The following PPP3CC variants were observed in gnomAD, a reference collection of about 807,000 sequenced individuals.
PPP3CC encodes the protein protein phosphatase 3 catalytic subunit gamma.
A neutral mutation model predicts 60.3 loss-of-function variants in PPP3CC; 35 were observed. The ratio of observed to expected loss-of-function variants is 0.58; its 90% CI spans 0.44 to 0.77. The LOEUF (loss-of-function observed/expected upper bound fraction) is 0.77, where lower values mean the gene tolerates loss of function less well. Among genes scored for constraint, PPP3CC ranks in the 30% least tolerant of loss-of-function variants. The probability of loss-of-function intolerance (pLI) is 0.00; values close to 1 mark genes in which losing one functional copy is unlikely to be tolerated. For missense variants in PPP3CC, 570 were observed against 628.9 expected (o/e 0.91, Z 1.00); for synonymous variants, 206 against 224.3 (o/e 0.92, Z 0.73).
chr8:22,450,351 A>G (rs1373234200), intron 1 of PPP3CC, among the ~76,000 whole-genome samples: 1 of 152,148 alleles, frequency 6.6e-6, no homozygotes, highest in African/African-American at 2.4e-5. Context: ...ATTAACACTA[A>G]TGAGTAGAGG....
At chr8:22,464,407 T>C (rs1837454286) in intron 1 of PPP3CC, among the ~76,000 whole-genome samples, 2 of 152,160 alleles carry the variant, frequency 1.3e-5, no homozygotes, top group South Asian at 4.1e-4. Flanking sequence ...AGAGACAGGG[T>C]CTCGCTCAGC....
At chr8:22,466,590 T>C (rs1172392377) in intron 1 of PPP3CC, among the ~76,000 whole-genome samples, 1 of 152,256 alleles carries the variant, frequency 6.6e-6, no homozygotes, top group Non-Finnish European at 1.5e-5. Context: ...GATGAGCATT[T>C]TTGCATATGT....
intron 3 of PPP3CC, among the ~76,000 whole-genome samples, chr8:22,476,594 T>C (rs894022876): frequency 1.1e-4 from 17 of 152,154 alleles, no homozygotes; most frequent in African/African-American, 4.1e-4. Flanking sequence ...AAAAATGGAT[T>C]TTTAGTTTTC....
intron 3 of PPP3CC, among the ~76,000 whole-genome samples, chr8:22,477,243 G>A (rs554454344): frequency 1.2e-3 from 181 of 152,202 alleles, no homozygotes; most frequent in African/African-American, 4.0e-3. Flanking sequence ...TTGGGAGGCC[G>A]AGGTGGGTGG....
At chr8:22,533,401 AT>A (rs1309705009) in intron 12 of PPP3CC, among the ~76,000 whole-genome samples, 1 of 152,176 alleles carries the variant, frequency 6.6e-6, no homozygotes, top group Non-Finnish European at 1.5e-5. Context: ...ATGGAAGAAA[AT>A]TTTTTGCAAT....
intron 8 of PPP3CC, among the ~76,000 whole-genome samples, chr8:22,525,510 C>G (rs1354844641): frequency 1.1e-5 from 1 of 88,422 alleles, no homozygotes; most frequent in African/African-American, 4.8e-5. Context: ...TTCTTTCTTT[C>G]TTTCTTTCTT....
At chr8:22,456,121 C>T (rs1242576855) in intron 1 of PPP3CC, among the ~76,000 whole-genome samples, 1 of 152,162 alleles carries the variant, frequency 6.6e-6, no homozygotes, top group Non-Finnish European at 1.5e-5. Flanking sequence ...ACAGACATAG[C>T]TATTTAGGCA....
chr8:22,459,616 C>A (rs754245992), intron 1 of PPP3CC, among the ~76,000 whole-genome samples: 19 of 152,052 alleles, frequency 1.2e-4, no homozygotes, highest in Non-Finnish European at 2.2e-4. Context: ...TTAGTGACCT[C>A]TCAGAGATTA....
intron 1 of PPP3CC, 37 bp downstream of exon 1, chr8:22,441,495 G>T (rs1420480408): frequency 1.5e-5 from 23 of 1,515,040 alleles, no homozygotes; most frequent in Non-Finnish European, 1.9e-5. Context: ...GGGACCCGCG[G>T]GAAACGGCCT....
chr8:22,502,408 G>A (rs1838787946), intron 4 of PPP3CC, among the ~76,000 whole-genome samples: 1 of 152,182 alleles, frequency 6.6e-6, no homozygotes. Flanking sequence ...CAAGGTGGCC[G>A]GGTGCAGTGG....
intron 3 of PPP3CC, among the ~76,000 whole-genome samples, chr8:22,486,049 TC>T (rs1023125200): frequency 6.6e-6 from 1 of 151,514 alleles, no homozygotes; most frequent in Non-Finnish European, 1.5e-5. Context: ...CCTGAGTGCT[TC>T]CCCCCCGCCC....
chr8:22,486,404 G>A (rs1359614854), intron 3 of PPP3CC, among the ~76,000 whole-genome samples: 1 of 152,008 alleles, frequency 6.6e-6, no homozygotes, highest in Non-Finnish European at 1.5e-5. Flanking sequence ...GGTAAACACT[G>A]GATTTTCTTT....
chr8:22,538,295 CAGTT>C (rs1333541990), intron 12 of PPP3CC, among the ~76,000 whole-genome samples: 1 of 152,194 alleles, frequency 6.6e-6, no homozygotes, highest in Non-Finnish European at 1.5e-5. Context: ...CACTTCCTAA[CAGTT>C]ACATCAGTGA....
chr8:22,526,118 T>G (rs542170864), intron 8 of PPP3CC, among the ~76,000 whole-genome samples: 4 of 152,312 alleles, frequency 2.6e-5, no homozygotes, highest in African/African-American at 9.6e-5. Flanking sequence ...TCTGCCCACC[T>G]CGGCCTCCCA....
intron 3 of PPP3CC, among the ~76,000 whole-genome samples, chr8:22,479,988 C>A (rs962498331): frequency 6.6e-6 from 1 of 151,938 alleles, no homozygotes; most frequent in African/African-American, 2.4e-5. Context: ...TTCATGAGTC[C>A]GTCAGTTTCT....
intron 3 of PPP3CC, among the ~76,000 whole-genome samples, chr8:22,475,910 A>G (rs1428852909): frequency 1.3e-5 from 2 of 152,238 alleles, no homozygotes; most frequent in Non-Finnish European, 2.9e-5. Context: ...AGGATTGTAT[A>G]AAAATGACAT....
intron 4 of PPP3CC, 58 bp downstream of exon 4, chr8:22,498,170 A>T (rs1333776838): frequency 4.6e-6 from 5 of 1,085,828 alleles, no homozygotes; most frequent in Non-Finnish European, 5.3e-6. Context: ...GTCCGAAGTA[A>T]ATCAAACAGA....
intron 1 of PPP3CC, among the ~76,000 whole-genome samples, chr8:22,468,210 T>C (rs576781868): frequency 6.6e-6 from 1 of 152,286 alleles, no homozygotes; most frequent in East Asian, 1.9e-4. Context: ...TTCAAGTGAC[T>C]ACCCTGTCTC....
intron 4 of PPP3CC, among the ~76,000 whole-genome samples, chr8:22,498,733 C>G (rs966245266): frequency 1.3e-5 from 2 of 152,136 alleles, no homozygotes; most frequent in Non-Finnish European, 2.9e-5. Context: ...TACGAACACA[C>G]AATCATATAT....
Sources: allele counts gnomAD v4.1 joint callset (sites outside exome capture counted in the v4.1 genomes callset), GRCh38; gene constraint gnomAD v4.1.1; transcripts MANE v1.5; gene names NCBI Gene and HGNC (gene_info 2026-07-23, HGNC 2026-07-21).